Variants in DOCK8 observed in about 807,000 individuals in gnomAD.
The protein encoded by DOCK8 is dedicator of cytokinesis protein 8.
DOCK8 carries 141 observed loss-of-function variants against 245.6 expected under a neutral mutation model. The observed-to-expected ratio is 0.57, with a 90% CI of 0.50 to 0.66. DOCK8 has a LOEUF of 0.66. DOCK8 is among the 30% of genes least tolerant of loss of function. The pLI, the probability that DOCK8 is intolerant of heterozygous loss-of-function variation, is 0.00. For synonymous variants in DOCK8, 1,168 were observed against 970.2 expected (o/e 1.20, Z -3.79); for missense variants, 2,965 against 2,603.4 (o/e 1.14, Z -3.02).
At chr9:221,047 A>T (rs778595013) in intron 1 of DOCK8, among the ~76,000 whole-genome samples, 1 of 152,142 alleles carries the variant, frequency 6.6e-6, no homozygotes, top group Non-Finnish European at 1.5e-5. Flanking sequence ...TTGGCACAGT[A>T]GTGGTACCAT....
In DOCK8 at chr9:258,719, T is replaced by A. The variant is rs541544330; in HGVS notation, c.54-12908T>A. Among the ~76,000 whole-genome samples, 9 of 147,828 alleles carry A rather than the reference T, an allele frequency of 6.1e-5. No individual in the cohort carries two copies. The East Asian group carries it at 1.9e-3, about 31-fold the overall frequency. Reference sequence around the variant, plus strand: ...TTCAAGCAATTCTCCTGCCTCAGCCTCCCGAGTATCTGGGATTACAGACAT... The same window carrying A: ...TTCAAGCAATTCTCCTGCCTCAGCCACCCGAGTATCTGGGATTACAGACAT... On this transcript the variant is annotated intron_variant, in intron 1 of 47. Transcript: ENST00000432829.
At chr9:383,122 G>A (rs7867007) in intron 22 of DOCK8, among the ~76,000 whole-genome samples, 6,851 of 152,218 alleles carry the variant, frequency 0.045, 370 homozygotes, top group African/African-American at 0.13. Context: ...AGGAACAGCC[G>A]GGCATGGTGG....
intron 7 of DOCK8, among the ~76,000 whole-genome samples, chr9:324,260 ATTC>A (rs2050654315): frequency 6.6e-6 from 1 of 152,210 alleles, no homozygotes. Context: ...CTGTCCAAAT[ATTC>A]TTCTAAAAAG....
In DOCK8 at chr9:214,895, G is replaced by A. The variant is rs774295691; in HGVS notation, c.-82G>A. 4 of 1,602,886 alleles carry A rather than the reference G, an allele frequency of 2.5e-6. No homozygotes were observed. In the South Asian group the frequency reaches 4.5e-5, roughly 18 times the overall value. On this transcript the variant is annotated 5_prime_UTR_variant, in exon 1 of 48. It removes an upstream start codon present in the reference 5' UTR. Transcript: ENST00000432829. ...ACGAGGTTTGCGCTTGGCTGGGCAT[G>A]TTCCGCGGCTACTCTGCGGCGCGCC...
intron 1 of DOCK8, among the ~76,000 whole-genome samples, chr9:245,457 C>T (rs1292938867): frequency 6.6e-6 from 1 of 152,156 alleles, no homozygotes; most frequent in Non-Finnish European, 1.5e-5. Context: ...ATCTGCCCTC[C>T]TCAGCCTCCC....
intron 16 of DOCK8, among the ~76,000 whole-genome samples, chr9:371,053 C>T (rs572746533): frequency 6.6e-5 from 10 of 152,276 alleles, no homozygotes; most frequent in Non-Finnish European, 1.2e-4. Context: ...TTGATGAGTG[C>T]AGCTAGGTGC....
chr9:214,330 G>A, upstream of DOCK8: 1 of 615,616 alleles, frequency 1.6e-6, no homozygotes, highest in Non-Finnish European at 2.7e-6. Context: ...CATTTTTTGA[G>A]AACTCATAAT....
chr9:446,907 CA>C (rs2057282619), intron 44 of DOCK8, among the ~76,000 whole-genome samples: 1 of 151,354 alleles, frequency 6.6e-6, no homozygotes, highest in East Asian at 1.9e-4. Context: ...ACTTGTACAA[CA>C]GATATATTTA....
intron 4 of DOCK8, among the ~76,000 whole-genome samples, chr9:294,022 CA>C (rs939011152): frequency 6.6e-6 from 1 of 152,012 alleles, no homozygotes; most frequent in African/African-American, 2.4e-5. Flanking sequence ...CATACCCTCA[CA>C]AAAAATATTT....
chr9:463,819 CAGAG>C (rs1386958800), intron 47 of DOCK8, 132 bp downstream of exon 47: 1 of 1,069,182 alleles, frequency 9.4e-7, no homozygotes, highest in African/African-American at 1.6e-5. Context: ...GTCCCACAGT[CAGAG>C]AGGCTACCAG....
At chr9:247,880 T>C (rs748537887) in intron 1 of DOCK8, among the ~76,000 whole-genome samples, 1 of 152,118 alleles carries the variant, frequency 6.6e-6, no homozygotes, top group Non-Finnish European at 1.5e-5. Flanking sequence ...GACTAAATTC[T>C]GTTTATAGTA....
intron 1 of DOCK8, among the ~76,000 whole-genome samples, chr9:250,872 G>A (rs954870846): frequency 2.0e-5 from 3 of 152,198 alleles, no homozygotes; most frequent in Non-Finnish European, 2.9e-5. Flanking sequence ...TTACAGAAGG[G>A]TGAGGGTGGT....
intron 1 of DOCK8, among the ~76,000 whole-genome samples, chr9:262,600 T>G (rs1587684709): frequency 6.6e-6 from 1 of 151,562 alleles, no homozygotes; most frequent in African/African-American, 2.4e-5. Context: ...TGTATGATTC[T>G]ATTTATGTAA....
chr9:234,881 C>G (rs986876410), intron 1 of DOCK8, among the ~76,000 whole-genome samples: 2 of 152,106 alleles, frequency 1.3e-5, no homozygotes, highest in Non-Finnish European at 2.9e-5. Flanking sequence ...TCGTCTGAAG[C>G]CTTCTTCTCT....
intron 1 of DOCK8, among the ~76,000 whole-genome samples, chr9:225,435 C>T (rs1195794868): frequency 6.6e-6 from 1 of 152,060 alleles, no homozygotes; most frequent in Non-Finnish European, 1.5e-5. Context: ...AGGAGGGAGC[C>T]ACAGTCATTC....
intron 1 of DOCK8, among the ~76,000 whole-genome samples, chr9:224,442 T>C (rs1173647890): frequency 2.0e-5 from 3 of 152,162 alleles, no homozygotes; most frequent in Non-Finnish European, 4.4e-5. Context: ...AGATGTGATA[T>C]TTGCTCAGAA....
intron 28 of DOCK8, among the ~76,000 whole-genome samples, chr9:409,035 A>G (rs1341384182): frequency 6.6e-6 from 1 of 152,110 alleles, no homozygotes; most frequent in Non-Finnish European, 1.5e-5. Context: ...CACTGTCACA[A>G]CTTCATCATG....
intron 32 of DOCK8, 150 bp from the exon 33 acceptor site, chr9:421,898 C>A: frequency 2.8e-6 from 2 of 717,176 alleles, no homozygotes; most frequent in Non-Finnish European, 5.0e-6. Context: ...ATAGGTGTGG[C>A]GACTTTGTCT....
intron 26 of DOCK8, among the ~76,000 whole-genome samples, chr9:401,867 A>G (rs2055124924): frequency 6.6e-6 from 1 of 152,166 alleles, no homozygotes; most frequent in Non-Finnish European, 1.5e-5. Context: ...AGAATAATAA[A>G]AAAGAATCCT....
Sources: allele counts gnomAD v4.1 joint callset (sites outside exome capture counted in the v4.1 genomes callset), GRCh38; gene constraint gnomAD v4.1.1; transcripts MANE v1.5; gene names NCBI Gene and HGNC (gene_info 2026-07-23, HGNC 2026-07-21).